GABBR2: variants seen among roughly 807,000 people sequenced by gnomAD.
GABBR2 encodes G-protein coupled receptor 51.
A neutral mutation model predicts 105.6 loss-of-function variants in GABBR2; 23 were observed. The observed-to-expected ratio is 0.22, with a 90% CI of 0.16 to 0.31. GABBR2 has a LOEUF of 0.31. Among genes scored for constraint, GABBR2 ranks in the 10% least tolerant of loss-of-function variants. The probability of loss-of-function intolerance (pLI) is 1.00; values close to 1 mark genes in which losing one functional copy is unlikely to be tolerated. For missense variants in GABBR2, 734 were observed against 1,245.5 expected (o/e 0.59, Z 6.18); for synonymous variants, 478 against 499.7 (o/e 0.96, Z 0.58).
intron 6 of GABBR2, among the ~76,000 whole-genome samples, chr9:98,458,027 T>A (rs2131609130): frequency 6.6e-6 from 1 of 152,352 alleles, no homozygotes; most frequent in South Asian, 2.1e-4. Flanking sequence ...GAATATTTTT[T>A]AAAGGCATTT....
intron 11 of GABBR2, among the ~76,000 whole-genome samples, chr9:98,373,809 T>A (rs1359255791): frequency 6.6e-6 from 1 of 151,222 alleles, no homozygotes; most frequent in Non-Finnish European, 1.5e-5. Context: ...CTGACAAAGA[T>A]CTATTTTGAG....
At chr9:98,332,929 C>T (rs1028839057) in intron 13 of GABBR2, among the ~76,000 whole-genome samples, 3 of 152,174 alleles carry the variant, frequency 2.0e-5, no homozygotes, top group African/African-American at 7.2e-5. Flanking sequence ...TTCATAGTCT[C>T]GCTCTGGCAG....
chr9:98,443,161 A>G (rs921116012), intron 7 of GABBR2, among the ~76,000 whole-genome samples: 9 of 152,146 alleles, frequency 5.9e-5, no homozygotes, highest in Non-Finnish European at 1.2e-4. Flanking sequence ...TTATCATGAC[A>G]TCTGTCATTA....
At chr9:98,552,440 C>T (rs1468027545) in intron 2 of GABBR2, among the ~76,000 whole-genome samples, 1 of 152,174 alleles carries the variant, frequency 6.6e-6, no homozygotes, top group African/African-American at 2.4e-5. Context: ...TGACAAAACA[C>T]TGTTTGTGGC....
At chr9:98,424,960 T>C (rs1832847853) in intron 7 of GABBR2, among the ~76,000 whole-genome samples, 1 of 151,918 alleles carries the variant, frequency 6.6e-6, no homozygotes, top group African/African-American at 2.4e-5. Flanking sequence ...AATGACTGTC[T>C]TCACAGAATT....
intron 13 of GABBR2, among the ~76,000 whole-genome samples, chr9:98,318,154 C>T (rs567599904): frequency 3.3e-5 from 5 of 152,254 alleles, no homozygotes; most frequent in East Asian, 1.9e-4. Context: ...GCTTCTCACT[C>T]GATAATGTGA....
intron 4 of GABBR2, among the ~76,000 whole-genome samples, chr9:98,491,631 C>T (rs908165456): frequency 6.6e-6 from 1 of 152,172 alleles, no homozygotes; most frequent in Admixed American, 6.5e-5. Flanking sequence ...TTATGAAACT[C>T]ATGAGCAAAA....
intron 7 of GABBR2, among the ~76,000 whole-genome samples, chr9:98,433,487 C>T (rs910707788): frequency 5.3e-5 from 8 of 152,188 alleles, no homozygotes; most frequent in African/African-American, 1.7e-4. Context: ...AACCTCAAGA[C>T]TTTTTCAAGC....
At chr9:98,648,940 G>A (rs1454070184) in intron 1 of GABBR2, among the ~76,000 whole-genome samples, 1 of 152,174 alleles carries the variant, frequency 6.6e-6, no homozygotes, top group Admixed American at 6.5e-5. Flanking sequence ...AGGCATCTGA[G>A]TTACTTTCCA....
At chr9:98,309,280 C>T (rs3780446) in intron 14 of GABBR2, among the ~76,000 whole-genome samples, 60,581 of 152,094 alleles carry the variant, frequency 0.4, 13,229 homozygotes, top group African/African-American at 0.55. Flanking sequence ...TGGGAGAAGA[C>T]AATGAATGAT....
intron 1 of GABBR2, among the ~76,000 whole-genome samples, chr9:98,688,138 TA>T (rs150518932): frequency 0.015 from 2,217 of 152,260 alleles, 58 homozygotes; most frequent in African/African-American, 0.051. Context: ...CTACTCCCTC[TA>T]AGGCTCATTG....
chr9:98,657,488 T>C (rs545012239), intron 1 of GABBR2, among the ~76,000 whole-genome samples: 3 of 152,280 alleles, frequency 2.0e-5, no homozygotes, highest in East Asian at 3.9e-4. Flanking sequence ...TGTGGAACCC[T>C]GGCCAGGGAC....
chr9:98,411,693 C>T (rs552621926), intron 7 of GABBR2, among the ~76,000 whole-genome samples: 104 of 152,266 alleles, frequency 6.8e-4, no homozygotes, highest in African/African-American at 2.2e-3. Flanking sequence ...TCCCAAGTAG[C>T]TGGGACCATA....
intron 1 of GABBR2, among the ~76,000 whole-genome samples, chr9:98,600,275 T>C (rs1829306843): frequency 6.6e-6 from 1 of 152,080 alleles, no homozygotes; most frequent in Non-Finnish European, 1.5e-5. Context: ...AGCTCCTCCT[T>C]CTCTGCTGGG....
chr9:98,613,696 T>C (rs79558830), intron 1 of GABBR2, among the ~76,000 whole-genome samples: 2,007 of 152,324 alleles, frequency 0.013, 45 homozygotes, highest in African/African-American at 0.046. Context: ...AATTCTGAAC[T>C]CTGCTAAAGC....
chr9:98,505,886 T>G (rs1388588440), intron 3 of GABBR2, among the ~76,000 whole-genome samples: 6 of 152,152 alleles, frequency 3.9e-5, no homozygotes. Context: ...TACATTTCTG[T>G]TGTTTTAAGC....
intron 1 of GABBR2, among the ~76,000 whole-genome samples, chr9:98,641,197 G>A (rs1292722067): frequency 7.4e-5 from 11 of 149,654 alleles, no homozygotes; most frequent in South Asian, 2.2e-4. Flanking sequence ...GCAGTGGCAC[G>A]ATCTCGGCTC....
At chr9:98,522,324 T>A (rs189174970) in intron 3 of GABBR2, among the ~76,000 whole-genome samples, 1 of 152,160 alleles carries the variant, frequency 6.6e-6, no homozygotes, top group African/African-American at 2.4e-5. Flanking sequence ...GAGTAATAAT[T>A]AAAGATATAA....
At chr9:98,630,444 GAT>G (rs1384898316) in intron 1 of GABBR2, among the ~76,000 whole-genome samples, 2 of 152,280 alleles carry the variant, frequency 1.3e-5, no homozygotes, top group East Asian at 3.9e-4. Context: ...AGTGGCTGTG[GAT>G]ACCTGGCATC....
Sources: gnomAD v4.1 joint callset for allele counts (sites outside exome capture counted in the v4.1 genomes callset) on GRCh38, gnomAD v4.1.1 for gene constraint, MANE v1.5 for transcripts, NCBI Gene and HGNC (gene_info 2026-07-23, HGNC 2026-07-21) for gene names.